Variants in DNAH2 observed in about 807,000 individuals in gnomAD.
DNAH2 encodes dynein axonemal heavy chain 2.
A neutral mutation model predicts 523.5 loss-of-function variants in DNAH2; 323 were observed. The ratio of observed to expected loss-of-function variants is 0.62; its 90% CI spans 0.56 to 0.68. The LOEUF is 0.68. Among genes scored for constraint, DNAH2 ranks in the 30% least tolerant of loss-of-function variants. The probability of loss-of-function intolerance (pLI) is 0.00; values close to 1 mark genes in which losing one functional copy is unlikely to be tolerated. For synonymous variants in DNAH2, 2,093 were observed against 2,177.4 expected, an observed-to-expected ratio of 0.96 and a Z score of 1.08; for missense variants, 4,907 against 5,701.5, an observed-to-expected ratio of 0.86 and a Z score of 4.49.
chr17:7,758,698 C>A, intron 14 of DNAH2, 47 bp downstream of exon 14: 2 of 1,583,334 alleles, frequency 1.3e-6, no homozygotes, highest in South Asian at 2.3e-5. Flanking sequence ...GCTGATGGGT[C>A]ATTTATACCT....
At chr17:7,800,340 C>T (rs931794771) in intron 56 of DNAH2, among the ~76,000 whole-genome samples, 5 of 152,068 alleles carry the variant, frequency 3.3e-5, no homozygotes, top group East Asian at 1.9e-4. Flanking sequence ...CGTGAGCCAC[C>T]GCGCCCAGCT....
At position 7,818,441 on chromosome 17, in the gene DNAH2, A is replaced by G. The variant is rs2077748384; in HGVS notation, c.10517A>G (p.Asn3506Ser). 6.2e-6 allele frequency: 10 copies of G among 1,614,220 alleles called. No homozygotes were observed. The highest frequency in any genetic ancestry group is 7.6e-6 in the Non-Finnish European group (9 of 1,180,028). Residue 3506 changes from asparagine to serine, a missense_variant, in exon 69 of 86, where the codon AAC becomes AGC. By Grantham distance (46) the Asn-to-Ser change is conservative. Around this residue, in one of 3 missense-constraint regions of DNAH2, gnomAD observed 1,851 missense variants for 2,139.4 expected, o/e 0.87. Coordinates refer to ENST00000572933, the MANE Select transcript of DNAH2 (RefSeq NM_020877.5). Reference sequence around the variant, plus strand: ...ACCTCAGCCAAGACCACCATCGTCAACTTTGCTGTTAAAGAACAGGTGGGT... The same window carrying G: ...ACCTCAGCCAAGACCACCATCGTCAGCTTTGCTGTTAAAGAACAGGTGGGT... ...PETSAKTTIV[N>S]FAVKEQGLEA...
chr17:7,803,538 C>T (rs1371199520), intron 58 of DNAH2, among the ~76,000 whole-genome samples: 1 of 151,804 alleles, frequency 6.6e-6, no homozygotes, highest in African/African-American at 2.4e-5. Context: ...GGCATGATGG[C>T]GGGTGCCTGT....
At chr17:7,739,097 G>A (rs944349544) in intron 8 of DNAH2, 4 of 675,898 alleles carry the variant, frequency 5.9e-6, no homozygotes, top group Admixed American at 2.1e-5. Context: ...CAGGGCAAAC[G>A]GGGCAGAGGC....
intron 13 of DNAH2, 147 bp from the exon 14 acceptor site, chr17:7,758,348 A>T: frequency 9.7e-7 from 1 of 1,036,178 alleles, no homozygotes; most frequent in Non-Finnish European, 1.4e-6. Context: ...CATTGCAAAA[A>T]GTTCTTTTGG....
Position 7,819,168 on chromosome 17 carries a change from C to T in DNAH2, c.10816-41C>T, listed in dbSNP as rs200167180. 3.4e-4 allele frequency: 541 copies of T among 1,609,870 alleles called. 2 individuals carry two copies. In the African/African-American group the frequency reaches 5.3e-3, roughly 16 times the overall value. On this transcript the variant is annotated intron_variant, in intron 71 of 85. Transcript: ENST00000572933. ...TTCCCTGAGCCCCTGCTCCCTGCCA[C>T]GTCCCTCAGTGGCCCTGACTCCACC... is the stretch of plus-strand genomic sequence containing the variant.
intron 12 of DNAH2, among the ~76,000 whole-genome samples, chr17:7,749,308 C>CAAAAAACAAACAAA: frequency 5.6e-5 from 1 of 17,766 alleles, no homozygotes; most frequent in Non-Finnish European, 8.1e-5. Flanking sequence ...AACTCCCCCC[C>CAAAAAACAAACAAA]AAAAAAAAAA....
chr17:7,774,832 G>T lies in DNAH2; in HGVS notation c.4575G>T (p.Glu1525Asp). 10 of 1,614,218 alleles carry T rather than the reference G, an allele frequency of 6.2e-6. No individual in the cohort carries two copies. The highest frequency in any genetic ancestry group is 7.6e-6 in the Non-Finnish European group (9 of 1,180,038). The change falls in exon 29 of 86, where the codon GAG becomes GAT. Residue 1525 changes from glutamate to aspartate, a missense_variant. Glu to Asp is a conservative substitution (Grantham distance 45). Coordinates refer to ENST00000572933, the MANE Select transcript of DNAH2 (RefSeq NM_020877.5). ...DIQKSLDMYL[E>D]TKRHIFPRFY... is the part of the protein sequence containing the mutation. ...AGAAATCTCTGGATATGTATTTAGA[G>T]ACCAAGCGACATATTTTCCCCCGCT...
chr17:7,748,342 C>T (rs185894354), intron 12 of DNAH2, among the ~76,000 whole-genome samples: 2 of 152,116 alleles, frequency 1.3e-5, no homozygotes, highest in African/African-American at 4.8e-5. Context: ...TCTCTTTTTT[C>T]CCCGGTCACA....
At position 7,759,841 on chromosome 17, in the gene DNAH2, T is replaced by G. The variant is rs2075955614; in HGVS notation, c.2688T>G (p.Ile896Met). The G allele has an allele frequency of 6.2e-7, 1 of 1,614,210 alleles. No individual in the cohort carries two copies. The change falls in exon 17 of 86, where the codon ATT becomes ATG. Residue 896 changes from isoleucine to methionine, a missense_variant. Ile to Met is a conservative substitution (Grantham distance 10). This residue lies in a region of DNAH2 where 2,806 missense variants were observed against 3,190.8 expected (regional missense o/e 0.88). Coordinates refer to ENST00000572933, the MANE Select transcript of DNAH2 (RefSeq NM_020877.5). ...CTTTGGCAGGTGTGGTCAATGACAT[T>G]GGCAACCACCTCTTTTCCACCATCT... ...LQTLAGVVND[I>M]GNHLFSTISV...
At position 7,821,451 on chromosome 17, in the gene DNAH2, A is replaced by C; in HGVS notation, c.11142+82A>C. ...CAAGTGTGACAAGGACTCCAGACCC[A>C]GAGGGTCAGGCCCACAGCATCAGTG... On this transcript the variant is annotated intron_variant, in intron 73 of 85. Coordinates refer to ENST00000572933, the MANE Select transcript of DNAH2 (RefSeq NM_020877.5). This position sits in a 1 kb window ranked among gnomAD's most constrained non-coding sequence, Gnocchi z 5.0. 6 of 1,492,160 alleles carry C rather than the reference A, an allele frequency of 4.0e-6. No individual in the cohort carries two copies. Among genetic ancestry groups the C allele is most frequent in the Non-Finnish European group, 5.4e-6 (6 of 1,108,494 alleles). The allele number at this position is 1,492,160 out of a possible 1,614,324, so 92.4% of individuals were successfully genotyped here.
Position 7,759,533 on chromosome 17 carries a change from G to T in DNAH2, c.2560G>T (p.Asp854Tyr). ...LLELSKAING[D>Y]GKTSPNPLFQ... ...AGAACTATCCAAGGCTATCAACGGGGATGGAAAGACCAGCCCAAACCCACT... is the reference window on the plus strand; with the variant it reads ...AGAACTATCCAAGGCTATCAACGGGTATGGAAAGACCAGCCCAAACCCACT... The change falls in exon 16 of 86, where the codon GAT (aspartate) becomes TAT (tyrosine). Residue 854 changes from aspartate to tyrosine, a missense_variant. Transcript: ENST00000572933. The T allele has an allele frequency of 1.2e-6, 2 of 1,614,190 alleles. No homozygotes were observed. The highest frequency in any genetic ancestry group is 1.7e-6 in the Non-Finnish European group (2 of 1,180,040).
rs539684957 is a variant in DNAH2 at position 7,810,681 on chromosome 17, G to A, written c.9729+3095G>A. Among the ~76,000 whole-genome samples the A allele has an allele frequency of 9.9e-5, 15 of 152,080 alleles. No homozygotes were observed. In the South Asian group the frequency reaches 1.9e-3, roughly 19 times the overall value. ...TGGGATTACAGGTGTGAGCCACCGC[G>A]CCTGCCCCCAAATGTACCTTTTAAT... On this transcript the variant is annotated intron_variant, in intron 63 of 85. Coordinates refer to ENST00000572933, the MANE Select transcript of DNAH2 (RefSeq NM_020877.5).
In DNAH2 at chr17:7,734,491, G is replaced by A. The variant is rs1207039172; in HGVS notation, c.761G>A (p.Arg254Gln). Residue 254 changes from arginine (R) to glutamine (Q), a missense_variant, in exon 7 of 86, where the codon CGG (arginine) becomes CAG (glutamine). This residue lies in a region of DNAH2 where 2,806 missense variants were observed against 3,190.8 expected (regional missense o/e 0.88). Transcript: ENST00000572933. ...RLETSMIHWT[R>Q]QIKEMLSAQE... is the part of the protein sequence containing the mutation. ...GCAGCCTCCATGATCCACTGGACCC[G>A]GCAGATAAAGGAGATGCTCAGTGCC... The A allele has an allele frequency of 1.9e-6, 3 of 1,613,846 alleles. No individual in the cohort carries two copies. Among genetic ancestry groups the A allele is most frequent in the Non-Finnish European group, 2.5e-6 (3 of 1,179,994 alleles).
intron 12 of DNAH2, among the ~76,000 whole-genome samples, chr17:7,744,807 C>T (rs1326002367): frequency 6.6e-6 from 1 of 152,084 alleles, no homozygotes; most frequent in Non-Finnish European, 1.5e-5. Context: ...TGGGGTTGAA[C>T]CTGCAAGACA....
intron 39 of DNAH2, among the ~76,000 whole-genome samples, chr17:7,785,151 G>T (rs2151256700): frequency 6.6e-6 from 1 of 151,076 alleles, no homozygotes; most frequent in South Asian, 2.1e-4. Context: ...GCCCAGGCTG[G>T]AGTGCAGTGG....
chr17:7,765,810 G>A (rs955652598), intron 21 of DNAH2, among the ~76,000 whole-genome samples: 21 of 151,212 alleles, frequency 1.4e-4, no homozygotes, highest in African/African-American at 4.1e-4. Context: ...ATGGAATCTC[G>A]CTCTGTCACC....
chr17:7,799,025 A>G (rs2077147941), intron 55 of DNAH2, 78 bp from the exon 56 acceptor site: 2 of 1,561,332 alleles, frequency 1.3e-6, no homozygotes, highest in Non-Finnish European at 1.7e-6. Context: ...ACACTTCGTC[A>G]GCCCCACCTG....
Position 7,833,464 on chromosome 17 carries a change from G to A in DNAH2, c.13215G>A (p.Arg4405=). The change falls in exon 86 of 86, where the codon CGG becomes CGA. Residue 4405 remains arginine, a synonymous_variant. Transcript: ENST00000572933. ...CCTTTGTCATCGGCATTGACCTGCG[G>A]TCTGGGGCCATGACACCTGATCATT... ...RASFVIGIDL[R]SGAMTPDHWI... 1 of 1,614,152 alleles carries A rather than the reference G, an allele frequency of 6.2e-7. No homozygotes were observed. The highest frequency in any genetic ancestry group is 1.3e-5 in the African/African-American group (1 of 75,046).
Sources: allele counts gnomAD v4.1 joint callset (sites outside exome capture counted in the v4.1 genomes callset), GRCh38; gene constraint gnomAD v4.1.1; regional missense constraint gnomAD v4.1.1; non-coding constraint Gnocchi (gnomAD v3.1); transcripts MANE v1.5; gene names NCBI Gene and HGNC (gene_info 2026-07-23, HGNC 2026-07-21).